PHYHIPL: variants seen among roughly 807,000 people sequenced by gnomAD.
PHYHIPL encodes the protein phytanoyl-CoA 2-hydroxylase interacting protein like.
In PHYHIPL, 9 loss-of-function variants were observed where a neutral mutation model predicts 33.4. That is an observed-to-expected ratio of 0.27 (90% confidence interval 0.16 to 0.47). The LOEUF is 0.47. Among genes scored for constraint, PHYHIPL ranks in the 20% least tolerant of loss-of-function variants. The pLI, the probability that PHYHIPL is intolerant of heterozygous loss-of-function variation, is 0.99. For missense variants in PHYHIPL, 365 were observed against 460.7 expected, an observed-to-expected ratio of 0.79 and a Z score of 1.90; for synonymous variants, 153 against 154.1, an observed-to-expected ratio of 0.99 and a Z score of 0.05.
At chr10:59,209,227 C>A (rs1328104881) in intron 1 of PHYHIPL, among the ~76,000 whole-genome samples, 1 of 152,228 alleles carries the variant, frequency 6.6e-6, no homozygotes, top group African/African-American at 2.4e-5. Context: ...AACAGCTGAT[C>A]TCTCAGCAGA....
At chr10:59,207,523 C>G (rs1297763647) in intron 1 of PHYHIPL, among the ~76,000 whole-genome samples, 2 of 152,222 alleles carry the variant, frequency 1.3e-5, no homozygotes, top group Non-Finnish European at 2.9e-5. Flanking sequence ...GCAGAGCCCA[C>G]CGCAGCTCAG....
chr10:59,174,202 G>A (rs1838214214), upstream of PHYHIPL, among the ~76,000 whole-genome samples: 1 of 151,724 alleles, frequency 6.6e-6, no homozygotes, highest in Admixed American at 6.6e-5. Flanking sequence ...CTTCAGGGTG[G>A]GAACAGTAAA....
chr10:59,227,984 A>G (rs1178367641), intron 1 of PHYHIPL, among the ~76,000 whole-genome samples: 2 of 151,710 alleles, frequency 1.3e-5, no homozygotes, highest in Non-Finnish European at 2.9e-5. Flanking sequence ...AGATATATAT[A>G]TATGTTTTAA....
rs150953099 is a variant in PHYHIPL at position 59,191,146 on chromosome 10, C to T, written c.106+14187C>T. 2.4e-4 allele frequency among the ~76,000 whole-genome samples: 36 copies of T among 151,850 alleles called. No individual in the cohort carries two copies. The East Asian group carries it at 6.0e-3, about 25-fold the overall frequency. On this transcript the variant is annotated intron_variant, in intron 1 of 4. Transcript: ENST00000373880. ...TTCTTCTCCATTGTGTATTGTTTTA[C>T]GATTTCTGAATTTACCTAGTTAAAA... is the stretch of plus-strand genomic sequence containing the variant.
intron 1 of PHYHIPL, among the ~76,000 whole-genome samples, chr10:59,234,020 A>G (rs763878613): frequency 1.3e-5 from 2 of 151,732 alleles, no homozygotes; most frequent in Admixed American, 6.6e-5. Context: ...AACACCTGAT[A>G]CTACTTTAGA....
intron 1 of PHYHIPL, among the ~76,000 whole-genome samples, chr10:59,195,345 G>A (rs1187215226): frequency 2.0e-5 from 3 of 152,188 alleles, no homozygotes; most frequent in African/African-American, 4.8e-5. Flanking sequence ...TGTGCATGAC[G>A]TGGGAGCCTT....
chr10:59,218,115 GAAC>G (rs1839667024), intron 1 of PHYHIPL, among the ~76,000 whole-genome samples: 1 of 152,236 alleles, frequency 6.6e-6, no homozygotes, highest in South Asian at 2.1e-4. Context: ...TTTTGGTTTT[GAAC>G]ATTTTGGGCC....
Position 59,246,579 on chromosome 10 carries a change from G to A in PHYHIPL, c.*988G>A, listed in dbSNP as rs191350440. On this transcript the variant is annotated 3_prime_UTR_variant, in exon 5 of 5. Coordinates refer to ENST00000373880, the MANE Select transcript of PHYHIPL (RefSeq NM_032439.4). ...AAATGAAAATAATAAACATGTTTTCGTATAAAATAACACAAAATGATATAC... is the reference window on the plus strand; with the variant it reads ...AAATGAAAATAATAAACATGTTTTCATATAAAATAACACAAAATGATATAC... 33 of 396,716 alleles carry A rather than the reference G, an allele frequency of 8.3e-5. No homozygotes were observed. Among genetic ancestry groups the A allele is most frequent in the African/African-American group, 1.2e-4 (6 of 48,642 alleles). 24.6% of individuals were successfully genotyped at this position (396,716 alleles called of 1,614,324 possible).
At position 59,183,725 on chromosome 10, in the gene PHYHIPL, TTA is replaced by T. The variant is rs1253068246; in HGVS notation, c.106+6768_106+6769del. 17 of 969,710 alleles carry T rather than the reference TTA, an allele frequency of 1.8e-5. No individual in the cohort carries two copies. The African/African-American group carries it at 3.0e-4, about 17-fold the overall frequency. 60.1% of individuals were successfully genotyped at this position (969,710 alleles called of 1,614,324 possible). ...TTGGAATTGTCGTTAGTTTTGTTTG[TTA>T]TGTTATGACTATTTGAGCCATGTAG... On this transcript the variant is annotated intron_variant, in intron 1 of 4. Coordinates refer to ENST00000373880, the MANE Select transcript of PHYHIPL (RefSeq NM_032439.4).
chr10:59,190,270 G>A (rs1438723698), intron 1 of PHYHIPL, among the ~76,000 whole-genome samples: 2 of 151,820 alleles, frequency 1.3e-5, no homozygotes, highest in Admixed American at 6.6e-5. Flanking sequence ...ACAAATAAGT[G>A]GTGGCAAATT....
intron 1 of PHYHIPL, among the ~76,000 whole-genome samples, chr10:59,203,115 C>T (rs1839175047): frequency 6.6e-6 from 1 of 152,170 alleles, no homozygotes; most frequent in Non-Finnish European, 1.5e-5. Flanking sequence ...TGGATATGAA[C>T]AGACACTTCT....
chr10:59,232,455 C>T (rs754760972), intron 1 of PHYHIPL, among the ~76,000 whole-genome samples: 1 of 151,532 alleles, frequency 6.6e-6, no homozygotes, highest in Admixed American at 6.6e-5. Flanking sequence ...TTTTTTCTCT[C>T]GAATTTTAAC....
At chr10:59,217,191 G>A (rs1839641735) in intron 1 of PHYHIPL, among the ~76,000 whole-genome samples, 1 of 152,020 alleles carries the variant, frequency 6.6e-6, no homozygotes, top group African/African-American at 2.4e-5. Flanking sequence ...GTCTTCAAGT[G>A]TAAAGGGAAT....
At chr10:59,240,167 CT>C (rs1840348072) in intron 4 of PHYHIPL, among the ~76,000 whole-genome samples, 1 of 151,908 alleles carries the variant, frequency 6.6e-6, no homozygotes, top group Admixed American at 6.6e-5. Flanking sequence ...GGTATATACC[CT>C]AGAGTCCATA....
intron 1 of PHYHIPL, among the ~76,000 whole-genome samples, chr10:59,219,607 G>A (rs1432368392): frequency 1.3e-5 from 2 of 152,028 alleles, no homozygotes; most frequent in South Asian, 2.1e-4. Flanking sequence ...AGAAGTTTTA[G>A]ACTTGATAAT....
chr10:59,235,242 A>G (rs1051164128), intron 2 of PHYHIPL, among the ~76,000 whole-genome samples: 6 of 151,674 alleles, frequency 4.0e-5, no homozygotes, highest in African/African-American at 1.5e-4. Context: ...TGAGAATGAA[A>G]ATTATTAACT....
intron 1 of PHYHIPL, among the ~76,000 whole-genome samples, chr10:59,182,786 G>A (rs1838446421): frequency 1.3e-5 from 2 of 152,024 alleles, no homozygotes; most frequent in Non-Finnish European, 2.9e-5. Context: ...ACTGGAAATG[G>A]TATATAAGAA....
At chr10:59,240,887 T>C (rs975197380) in intron 4 of PHYHIPL, among the ~76,000 whole-genome samples, 3 of 152,070 alleles carry the variant, frequency 2.0e-5, no homozygotes, top group Non-Finnish European at 4.4e-5. Context: ...TCAAAAATGC[T>C]TCCAAGAATA....
intron 1 of PHYHIPL, among the ~76,000 whole-genome samples, chr10:59,217,153 A>T (rs1839640490): frequency 6.6e-6 from 1 of 152,076 alleles, no homozygotes; most frequent in Non-Finnish European, 1.5e-5. Flanking sequence ...TATGTCCTGT[A>T]TTTATTTTGC....
Sources: gnomAD v4.1 joint callset for allele counts (sites outside exome capture counted in the v4.1 genomes callset) on GRCh38, gnomAD v4.1.1 for gene constraint, MANE v1.5 for transcripts, NCBI Gene and HGNC (gene_info 2026-07-23, HGNC 2026-07-21) for gene names.